The following GPNMB variants were observed in gnomAD, a reference collection of about 807,000 sequenced individuals.
The protein encoded by GPNMB is transmembrane glycoprotein NMB.
GPNMB carries 71 observed loss-of-function variants against 57.3 expected under a neutral mutation model. That is an observed-to-expected ratio of 1.24 (90% CI 1.02 to 1.51). GPNMB has a LOEUF of 1.51. Ranked by LOEUF, GPNMB falls within the 40% of genes most tolerant of loss-of-function variation. The pLI, the probability that GPNMB is intolerant of heterozygous loss-of-function variation, is 0.00. For missense variants in GPNMB, 677 were observed against 691.9 expected (o/e 0.98, Z 0.24); for synonymous variants, 253 against 263.2 (o/e 0.96, Z 0.38).
At position 23,273,587 on chromosome 7, in the gene GPNMB, T is replaced by C. The variant is rs775677080; in HGVS notation, c.1496T>C (p.Val499Ala). The C allele has an allele frequency of 1.2e-6, 2 of 1,612,286 alleles. No individual in the cohort carries two copies. The highest frequency in any genetic ancestry group is 2.2e-5 in the South Asian group (2 of 91,050). Residue 499 changes from valine (V) to alanine (A), a missense_variant, in exon 10 of 11, where the codon GTC becomes GCC. By Grantham distance (64) the Val-to-Ala change is moderately conservative (BLOSUM62 0). Transcript: ENST00000258733. ...LISVGCLAIF[V>A]TVISLLVYKK... ...TCCGTTGGCTGCTTGGCCATATTTG[T>C]CACTGTGATCTCCCTCTTGGTGTAC...
chr7:23,257,066 G>T lies in GPNMB; in HGVS notation c.541+1G>T, dbSNP rs775142701. Reference sequence around the variant, plus strand: ...TTCATCTACGTCTTCCACACACTTGGTTGGCTTTTACAAACCCCTAAGCTT... The same window carrying T: ...TTCATCTACGTCTTCCACACACTTGTTTGGCTTTTACAAACCCCTAAGCTT... On this transcript the variant is annotated splice_donor_variant, in intron 4 of 10. Coordinates refer to ENST00000258733, the MANE Select transcript of GPNMB (RefSeq NM_002510.3). LOFTEE classifies it high-confidence loss of function. 6 of 1,613,766 alleles carry T rather than the reference G, an allele frequency of 3.7e-6. No individual in the cohort carries two copies. The highest frequency in any genetic ancestry group is 4.2e-6 in the Non-Finnish European group (5 of 1,179,640).
chr7:23,248,277 A>G (rs17147947), intron 1 of GPNMB, among the ~76,000 whole-genome samples: 2 of 152,122 alleles, frequency 1.3e-5, no homozygotes, highest in African/African-American at 2.4e-5. Context: ...AGGACAGGCT[A>G]CTTTAAAGAC....
At chr7:23,256,282 G>A (rs568849809) in intron 3 of GPNMB, among the ~76,000 whole-genome samples, 38 of 152,266 alleles carry the variant, frequency 2.5e-4, no homozygotes, top group Admixed American at 2.3e-3. Context: ...AACAATTTTA[G>A]CACTTTGTCA....
At chr7:23,253,817 A>T (rs1782713845) in intron 2 of GPNMB, among the ~76,000 whole-genome samples, 1 of 152,176 alleles carries the variant, frequency 6.6e-6, no homozygotes, top group African/African-American at 2.4e-5. Flanking sequence ...AGAAACGGAA[A>T]ATCTTTCTTT....
intron 5 of GPNMB, 44 bp downstream of exon 5, chr7:23,260,182 G>A: frequency 6.3e-7 from 1 of 1,598,142 alleles, no homozygotes; most frequent in Non-Finnish European, 8.6e-7. Flanking sequence ...ACTTCATTCT[G>A]TTGACGTCAA....
chr7:23,262,578 T>C (rs1415380733), intron 6 of GPNMB, among the ~76,000 whole-genome samples: 1 of 150,554 alleles, frequency 6.6e-6, no homozygotes, highest in Non-Finnish European at 1.5e-5. Context: ...TTTCATAGAA[T>C]GTATGTACTG....
At position 23,260,463 on chromosome 7, in the gene GPNMB, T is replaced by C. The variant is rs991662986; in HGVS notation, c.708T>C (p.Ile236=). ...GGGGGATGTATCTTTTAGATCAGATTCCTGTGTTTGTGACTATGTTCCAGA... is the reference window on the plus strand; with the variant it reads ...GGGGGATGTATCTTTTAGATCAGATCCCTGTGTTTGTGACTATGTTCCAGA... ...VKDVYVVTDQ[I]PVFVTMFQKN... Residue 236 remains isoleucine (I), a synonymous_variant, in exon 6 of 11, where the codon ATT becomes ATC. Transcript: ENST00000258733. 6.2e-7 allele frequency: 1 copy of C among 1,609,272 alleles called. No individual in the cohort carries two copies. The highest frequency in any genetic ancestry group is 8.5e-7 in the Non-Finnish European group (1 of 1,176,696).
At chr7:23,261,497 T>C (rs1450231305) in intron 6 of GPNMB, among the ~76,000 whole-genome samples, 1 of 152,194 alleles carries the variant, frequency 6.6e-6, no homozygotes, top group African/African-American at 2.4e-5. Context: ...TGGATGAAGC[T>C]GGAAACCATC....
intron 4 of GPNMB, among the ~76,000 whole-genome samples, chr7:23,258,237 A>T (rs941413611): frequency 1.3e-5 from 2 of 152,194 alleles, no homozygotes; most frequent in African/African-American, 2.4e-5. Context: ...CAGCCTCCAG[A>T]TTACTAAATA....
chr7:23,265,565 C>A (rs1334041267), intron 6 of GPNMB, among the ~76,000 whole-genome samples: 2 of 152,132 alleles, frequency 1.3e-5, no homozygotes, highest in Non-Finnish European at 1.5e-5. Flanking sequence ...CTGCTCATCA[C>A]AGTAAGACTT....
At chr7:23,273,690 A>T in intron 10 of GPNMB, 76 bp downstream of exon 10, 2 of 972,152 alleles carry the variant, frequency 2.1e-6, no homozygotes, top group East Asian at 2.4e-5. Context: ...GTAAATAGGC[A>T]TTTTTCCCTT....
Position 23,273,506 on chromosome 7 carries a change from T to G in GPNMB, c.1430-15T>G, listed in dbSNP as rs1289636716. The G allele has an allele frequency of 6.4e-7, 1 of 1,568,686 alleles. No individual in the cohort carries two copies. Among genetic ancestry groups the G allele is most frequent in the Non-Finnish European group, 8.8e-7 (1 of 1,138,838 alleles). On this transcript the variant is annotated splice_polypyrimidine_tract_variant and intron_variant, in intron 9 of 10. Transcript: ENST00000258733. ...GTGGAAGACATAACTAACATGCTCT[T>G]GCTTCTGTTTTAAGACCCAGCCTCG...
At chr7:23,260,220 G>A (rs1239350659) in intron 5 of GPNMB, 82 bp downstream of exon 5, 20 of 1,453,902 alleles carry the variant, frequency 1.4e-5, no homozygotes, top group East Asian at 2.3e-5. Context: ...AAGGCCAAGT[G>A]TTCGGGGTTA....
At position 23,246,795 on chromosome 7, in the gene GPNMB, G is replaced by C. The variant is rs758274749; in HGVS notation, c.-63G>C. 5 of 1,192,794 alleles carry C rather than the reference G, an allele frequency of 4.2e-6. No individual in the cohort carries two copies. In the African/African-American group the frequency reaches 6.0e-5, roughly 14 times the overall value. The allele number at this position is 1,192,794 out of a possible 1,614,324, so 73.9% of individuals were successfully genotyped here. Reference sequence around the variant, plus strand: ...ATGCCAGAAGAACACTGTTGCTCTTGGTGGACGGGCCCAGAGGAATTCAGA... The same window carrying C: ...ATGCCAGAAGAACACTGTTGCTCTTCGTGGACGGGCCCAGAGGAATTCAGA... On this transcript the variant is annotated 5_prime_UTR_variant, in exon 1 of 11. Coordinates refer to ENST00000258733, the MANE Select transcript of GPNMB (RefSeq NM_002510.3).
intron 3 of GPNMB, 137 bp downstream of exon 3, chr7:23,254,449 A>G: frequency 1.4e-6 from 1 of 691,250 alleles, no homozygotes; most frequent in Non-Finnish European, 2.4e-6. Flanking sequence ...AGAGACAGTG[A>G]GTGTGTGGTC....
intron 6 of GPNMB, among the ~76,000 whole-genome samples, chr7:23,265,922 A>G (rs530770059): frequency 6.7e-4 from 100 of 149,574 alleles, no homozygotes; most frequent in Admixed American, 1.0e-3. Flanking sequence ...TTATTTCTTC[A>G]TGACCATTGT....
chr7:23,259,080 G>T (rs994115157), intron 4 of GPNMB, among the ~76,000 whole-genome samples: 6 of 152,216 alleles, frequency 3.9e-5, no homozygotes, highest in Admixed American at 6.5e-5. Context: ...CAGCAGGGAG[G>T]GTTGGACAAA....
intron 1 of GPNMB, 107 bp from the exon 2 acceptor site, chr7:23,253,200 A>G (rs933921102): frequency 4.4e-6 from 4 of 916,616 alleles, no homozygotes; most frequent in African/African-American, 3.3e-5. Flanking sequence ...TGATGCACTG[A>G]ATATATTATG....
In GPNMB at chr7:23,254,314, T is replaced by C. The variant is rs373987305; in HGVS notation, c.367+2T>C. The stretch of plus-strand genomic sequence containing the variant: ...TCTATGAGAAGAACTGCAGAAATGG[T>C]AAGAACACAGTATTCTCCTAAACTA... On this transcript the variant is annotated splice_donor_variant, in intron 3 of 10. Transcript: ENST00000258733. LOFTEE classifies it high-confidence loss of function. 5.0e-5 allele frequency: 80 copies of C among 1,611,820 alleles called. No individual in the cohort carries two copies. The highest frequency in any genetic ancestry group is 1.4e-5 in the Non-Finnish European group (16 of 1,178,238).
Sources: allele counts gnomAD v4.1 joint callset (sites outside exome capture counted in the v4.1 genomes callset), GRCh38; gene constraint gnomAD v4.1.1; transcripts MANE v1.5; gene names NCBI Gene and HGNC (gene_info 2026-07-23, HGNC 2026-07-21).